PLCB4: variants seen among roughly 807,000 people sequenced by gnomAD.
PLCB4 encodes 1-phosphatidylinositol 4,5-bisphosphate phosphodiesterase beta-4.
Under a neutral mutation model 178.8 loss-of-function variants are expected in PLCB4, and 77 were observed. That is an observed-to-expected ratio of 0.43 (90% CI 0.36 to 0.52). The LOEUF is 0.52. PLCB4 is among the 20% of genes least tolerant of loss of function. The pLI is 0.00. For synonymous variants in PLCB4, 496 were observed against 490.8 expected (o/e 1.01, Z -0.14); for missense variants, 1,024 against 1,453.4 (o/e 0.70, Z 4.80).
At chr20:9,416,420 G>A (rs933475140) in intron 25 of PLCB4, among the ~76,000 whole-genome samples, 4 of 152,124 alleles carry the variant, frequency 2.6e-5, no homozygotes, top group African/African-American at 9.7e-5. Context: ...CCTTCCTCGG[G>A]AGGCAGAATC....
chr20:9,281,789 GA>G (rs1284638268), intron 3 of PLCB4, among the ~76,000 whole-genome samples: 3 of 151,276 alleles, frequency 2.0e-5, no homozygotes, highest in Non-Finnish European at 4.4e-5. Flanking sequence ...TAGTTTAATT[GA>G]AAAAAAATTG....
intron 32 of PLCB4, among the ~76,000 whole-genome samples, chr20:9,449,516 A>G (rs1381228672): frequency 6.6e-6 from 1 of 152,204 alleles, no homozygotes; most frequent in Non-Finnish European, 1.5e-5. Context: ...CTTAAAGGAG[A>G]GTCAAAAAAT....
In PLCB4 at chr20:9,435,619, G is replaced by A; in HGVS notation, c.2584G>A (p.Asp862Asn). 6.2e-7 allele frequency: 1 copy of A among 1,605,694 alleles called. No homozygotes were observed. The highest frequency in any genetic ancestry group is 8.5e-7 in the Non-Finnish European group (1 of 1,172,742). ...KFLSITEKRA[D>N]QMRAMGIETS... is the part of the protein sequence containing the mutation. ...TCTCTCAATTACAGAAAAGAGAGCA[G>A]ACCAAATGAGAGCTATGGGCATTGA... is the stretch of plus-strand genomic sequence containing the variant. The change falls in exon 29 of 40, where the codon GAC becomes AAC. Residue 862 changes from aspartate to asparagine, a missense_variant. Coordinates refer to ENST00000378473, the MANE Select transcript of PLCB4 (RefSeq NM_001377142.1).
At chr20:9,094,846 C>G (rs941322692) in intron 1 of PLCB4, among the ~76,000 whole-genome samples, 2 of 152,302 alleles carry the variant, frequency 1.3e-5, no homozygotes, top group South Asian at 4.2e-4. Flanking sequence ...ATCAATCCAT[C>G]GTGGCTTTCT....
At chr20:9,329,303 G>C (rs916479590) in intron 4 of PLCB4, among the ~76,000 whole-genome samples, 1 of 152,110 alleles carries the variant, frequency 6.6e-6, no homozygotes, top group Non-Finnish European at 1.5e-5. Context: ...TTATTAAAAG[G>C]GAAGCCTTGC....
intron 2 of PLCB4, among the ~76,000 whole-genome samples, chr20:9,197,434 A>G (rs1264976092): frequency 2.0e-5 from 3 of 152,220 alleles, no homozygotes; most frequent in African/African-American, 7.2e-5. Flanking sequence ...AATGTAAAAT[A>G]TCTCATTAAT....
chr20:9,278,659 A>G (rs1424250308), intron 3 of PLCB4, among the ~76,000 whole-genome samples: 1 of 152,056 alleles, frequency 6.6e-6, no homozygotes, highest in Admixed American at 6.6e-5. Flanking sequence ...CATAGATATC[A>G]TAACCTTCAG....
At chr20:9,334,152 G>T (rs954511037) in intron 4 of PLCB4, among the ~76,000 whole-genome samples, 1 of 152,154 alleles carries the variant, frequency 6.6e-6, no homozygotes, top group Admixed American at 6.5e-5. Context: ...GAGTACAGAA[G>T]GAAAAGGCGG....
rs1025359952 is a variant in PLCB4, at chr20:9,337,995, T to C, written c.166-13T>C. On this transcript the variant is annotated splice_polypyrimidine_tract_variant and intron_variant, in intron 5 of 39. Transcript: ENST00000378473. ...ATTTAAGCTCATTGCTGTGTTGTATTCTCTCTCTTCAGGAAGGACAGGTGC... is the reference window on the plus strand; with the variant it reads ...ATTTAAGCTCATTGCTGTGTTGTATCCTCTCTCTTCAGGAAGGACAGGTGC... 4.4e-6 allele frequency: 7 copies of C among 1,606,278 alleles called. No homozygotes were observed. The African/African-American group carries it at 9.4e-5, about 21-fold the overall frequency.
chr20:9,342,637 G>A (rs1018773503), intron 7 of PLCB4, among the ~76,000 whole-genome samples: 6 of 149,044 alleles, frequency 4.0e-5, no homozygotes, highest in African/African-American at 1.2e-4. Flanking sequence ...GATCTGTTGC[G>A]TGGCTTTTAT....
At chr20:9,292,710 G>T (rs575773134) in intron 3 of PLCB4, among the ~76,000 whole-genome samples, 145 of 152,310 alleles carry the variant, frequency 9.5e-4, no homozygotes, top group African/African-American at 3.4e-3. Flanking sequence ...CAGGGTATGA[G>T]TGGAGAACAA....
At position 9,387,560 on chromosome 20, in the gene PLCB4, A is replaced by C. The variant is rs374221011; in HGVS notation, c.1158+4A>C. 10 of 1,395,782 alleles carry C rather than the reference A, an allele frequency of 7.2e-6. No homozygotes were observed. Among genetic ancestry groups the C allele is most frequent in the Non-Finnish European group, 9.0e-6 (9 of 996,790 alleles). 86.5% of individuals were successfully genotyped at this position (1,395,782 alleles called of 1,614,324 possible). ...GTGTACAGATATCCTTTTTAAGGTA[A>C]CTTTAAAAATAATTACACAGACTTT... is the stretch of plus-strand genomic sequence containing the variant. On this transcript the variant is annotated splice_donor_region_variant and intron_variant, in intron 15 of 39. Coordinates refer to ENST00000378473, the MANE Select transcript of PLCB4 (RefSeq NM_001377142.1).
chr20:9,146,056 C>G (rs746431470), intron 2 of PLCB4, among the ~76,000 whole-genome samples: 1 of 152,106 alleles, frequency 6.6e-6, no homozygotes, highest in Non-Finnish European at 1.5e-5. Flanking sequence ...AAATTTGGAA[C>G]TCCCATGATT....
chr20:9,265,843 A>G (rs1181652315), intron 3 of PLCB4, among the ~76,000 whole-genome samples: 1 of 152,226 alleles, frequency 6.6e-6, no homozygotes. Context: ...AAGCGGCAGC[A>G]TGGTCATCTT....
intron 2 of PLCB4, chr20:9,166,800 C>CA (rs986162945): frequency 1.3e-5 from 2 of 152,220 alleles, no homozygotes; most frequent in South Asian, 2.1e-4. Flanking sequence ...AGAGGGCTAT[C>CA]ACGGTTTTAT....
intron 3 of PLCB4, among the ~76,000 whole-genome samples, chr20:9,264,097 A>G (rs1270472584): frequency 6.6e-6 from 1 of 152,194 alleles, no homozygotes; most frequent in Admixed American, 6.5e-5. Context: ...ATAATTCTGT[A>G]TTAAGTCTAT....
intron 14 of PLCB4, 65 bp from the exon 15 acceptor site, chr20:9,387,397 CT>C: frequency 1.2e-6 from 1 of 800,760 alleles, no homozygotes; most frequent in Non-Finnish European, 2.1e-6. Context: ...TGATGTCTTT[CT>C]TTTAATTTGT....
chr20:9,440,249 A>T (rs1253215675), intron 30 of PLCB4, among the ~76,000 whole-genome samples: 3 of 152,250 alleles, frequency 2.0e-5, no homozygotes, highest in African/African-American at 7.2e-5. Flanking sequence ...AGCTTAGTCT[A>T]GCCTATTTTA....
intron 3 of PLCB4, among the ~76,000 whole-genome samples, chr20:9,271,284 A>G (rs2094399856): frequency 6.6e-6 from 1 of 152,178 alleles, no homozygotes; most frequent in Admixed American, 6.6e-5. Flanking sequence ...TAAAGAAACC[A>G]AGAAGTTTGC....
Sources: allele counts gnomAD v4.1 joint callset (sites outside exome capture counted in the v4.1 genomes callset), GRCh38; gene constraint gnomAD v4.1.1; transcripts MANE v1.5; gene names NCBI Gene and HGNC (gene_info 2026-07-23, HGNC 2026-07-21).